Variants in LTBP1 observed in about 807,000 individuals in gnomAD.
LTBP1 encodes the protein latent-transforming growth factor beta-binding protein 1.
LTBP1 carries 129 observed loss-of-function variants against 207.6 expected under a neutral mutation model. That is an observed-to-expected ratio of 0.62 (90% confidence interval 0.54 to 0.72). The LOEUF is 0.72. Among genes scored for constraint, LTBP1 ranks in the 30% least tolerant of loss-of-function variants. LTBP1 has a pLI of 0.00. For synonymous variants in LTBP1, 963 were observed against 833.7 expected (o/e 1.16, Z -2.67); for missense variants, 2,281 against 2,217.2 (o/e 1.03, Z -0.58).
intron 13 of LTBP1, among the ~76,000 whole-genome samples, 182 bp from the exon 14 acceptor site, chr2:33,262,540 C>CTTTTTTTTTTTTTTTTTTTTTTTT: frequency 1.0e-5 from 1 of 98,496 alleles, no homozygotes; most frequent in Non-Finnish European, 2.2e-5. Flanking sequence ...ATCAAAGGTT[C>CTTTTTTTTTTTTTTTTTTTTTTTT]TTTTTTTTTT....
At chr2:32,971,446 T>C (rs1292819502) in intron 2 of LTBP1, among the ~76,000 whole-genome samples, 2 of 152,216 alleles carry the variant, frequency 1.3e-5, no homozygotes, top group Non-Finnish European at 1.5e-5. Flanking sequence ...ATGGCCCTTA[T>C]TATTTTGAGG....
intron 18 of LTBP1, among the ~76,000 whole-genome samples, chr2:33,277,795 T>TTCTTTC (rs1394277684): frequency 1.8e-4 from 19 of 108,016 alleles, no homozygotes; most frequent in African/African-American, 6.8e-4. Flanking sequence ...CTTTCTTTCT[T>TTCTTTC]TCTCTCTCTC....
chr2:33,051,434 C>A (rs80202440), intron 3 of LTBP1, among the ~76,000 whole-genome samples: 180 of 151,958 alleles, frequency 1.2e-3, no homozygotes, highest in African/African-American at 3.6e-3. Flanking sequence ...AGAAAAAAAA[C>A]ACACACACAC....
chr2:32,973,581 G>A (rs945263891), intron 2 of LTBP1, among the ~76,000 whole-genome samples: 6 of 152,146 alleles, frequency 3.9e-5, no homozygotes, highest in African/African-American at 7.2e-5. Context: ...CCCCTTATCT[G>A]CGTTACAAAC....
At chr2:33,338,345 G>A (rs1343833535) in intron 24 of LTBP1, among the ~76,000 whole-genome samples, 2 of 152,126 alleles carry the variant, frequency 1.3e-5, no homozygotes, top group Admixed American at 6.5e-5. Context: ...GCACAGTAAC[G>A]AGAAATCATC....
chr2:33,004,282 C>G (rs190852742), intron 2 of LTBP1, among the ~76,000 whole-genome samples: 2 of 152,130 alleles, frequency 1.3e-5, no homozygotes, highest in African/African-American at 4.8e-5. Context: ...TAAGGTCCTG[C>G]CCATCCTGAC....
intron 21 of LTBP1, among the ~76,000 whole-genome samples, chr2:33,301,254 G>A (rs1395275968): frequency 6.6e-6 from 1 of 152,110 alleles, no homozygotes; most frequent in African/African-American, 2.4e-5. Context: ...GTTCTTGAGA[G>A]GAAACGCCAT....
At chr2:33,077,660 C>T (rs2078157840) in intron 3 of LTBP1, among the ~76,000 whole-genome samples, 1 of 152,184 alleles carries the variant, frequency 6.6e-6, no homozygotes, top group African/African-American at 2.4e-5. Flanking sequence ...ACCGGCCCCA[C>T]CTCCAATATT....
At chr2:33,367,076 A>G (rs546640912) in intron 31 of LTBP1, among the ~76,000 whole-genome samples, 4 of 152,144 alleles carry the variant, frequency 2.6e-5, no homozygotes, top group Non-Finnish European at 5.9e-5. Context: ...GCATTTTCTT[A>G]TATATTAATT....
chr2:32,986,295 G>T (rs1025556141), intron 2 of LTBP1, among the ~76,000 whole-genome samples: 1 of 152,184 alleles, frequency 6.6e-6, no homozygotes, highest in African/African-American at 2.4e-5. Context: ...GGCAGCCGGG[G>T]CTGAGGGGAA....
intron 5 of LTBP1, among the ~76,000 whole-genome samples, chr2:33,179,174 T>C (rs13431080): frequency 0.079 from 12,097 of 152,198 alleles, 1,030 homozygotes; most frequent in African/African-American, 0.22. Context: ...TGCAAACTTT[T>C]TTAAAACATG....
rs549943380 is a variant in LTBP1 at position 33,085,991 on chromosome 2, G to T, written c.864-24591G>T. ...CACCATGCAGATGGTCCATCTTGGC[G>T]TAATGGGATCCCAACAGGTGGACTG... On this transcript the variant is annotated intron_variant, in intron 3 of 33. Transcript: ENST00000404816. Among the ~76,000 whole-genome samples, 4 of 152,212 alleles carry T rather than the reference G, an allele frequency of 2.6e-5. No individual in the cohort carries two copies. The South Asian group carries it at 6.2e-4, about 24-fold the overall frequency.
At chr2:33,111,990 A>G (rs557494630) in intron 4 of LTBP1, among the ~76,000 whole-genome samples, 141 of 152,344 alleles carry the variant, frequency 9.3e-4, no homozygotes, top group African/African-American at 3.3e-3. Flanking sequence ...TTTCTTGAGT[A>G]TATGTGTAAT....
chr2:32,948,962 A>G lies in LTBP1; in HGVS notation c.565+17A>G. 1 of 1,613,990 alleles carries G rather than the reference A, an allele frequency of 6.2e-7. No individual in the cohort carries two copies. The highest frequency in any genetic ancestry group is 1.1e-5 in the South Asian group (1 of 91,078). ...GCACCAAACGTAAGTTGCCATGTTC[A>G]CAGTGGCCCTGCACAGTAGGCAAAG... On this transcript the variant is annotated intron_variant, in intron 2 of 33. Transcript: ENST00000404816.
chr2:33,230,937 A>G (rs1377968587), intron 9 of LTBP1, among the ~76,000 whole-genome samples: 1 of 152,024 alleles, frequency 6.6e-6, no homozygotes, highest in Non-Finnish European at 1.5e-5. Flanking sequence ...TGCTGAATGT[A>G]ATTAAAAGAC....
intron 26 of LTBP1, among the ~76,000 whole-genome samples, chr2:33,353,169 G>A (rs753448497): frequency 6.6e-6 from 1 of 151,958 alleles, no homozygotes; most frequent in Non-Finnish European, 1.5e-5. Context: ...AGTAGAGACA[G>A]GGTTTTGCCA....
chr2:33,016,142 A>G (rs1688345316), intron 2 of LTBP1, among the ~76,000 whole-genome samples: 1 of 152,132 alleles, frequency 6.6e-6, no homozygotes, highest in Non-Finnish European at 1.5e-5. Context: ...AATTGTTCTC[A>G]TTGGATTGAG....
intron 31 of LTBP1, among the ~76,000 whole-genome samples, chr2:33,381,603 A>T (rs1039445614): frequency 1.3e-5 from 2 of 152,226 alleles, no homozygotes; most frequent in Admixed American, 1.3e-4. Context: ...AATCGAGCAA[A>T]TTCAATAAAC....
intron 2 of LTBP1, among the ~76,000 whole-genome samples, chr2:32,987,959 AT>A (rs1683853338): frequency 6.6e-6 from 1 of 152,240 alleles, no homozygotes; most frequent in Non-Finnish European, 1.5e-5. Context: ...TTTATAAGGC[AT>A]CCTTTTAAGA....
Sources: gnomAD v4.1 joint callset for allele counts (sites outside exome capture counted in the v4.1 genomes callset) on GRCh38, gnomAD v4.1.1 for gene constraint, MANE v1.5 for transcripts, NCBI Gene and HGNC (gene_info 2026-07-23, HGNC 2026-07-21) for gene names.